The following SDCCAG8 variants were observed in gnomAD, a reference collection of about 807,000 sequenced individuals.
SDCCAG8 encodes serologically defined colon cancer antigen 8.
SDCCAG8 carries 74 observed loss-of-function variants against 101.8 expected under a neutral mutation model. The observed-to-expected ratio is 0.73, with a 90% CI of 0.60 to 0.88. SDCCAG8 has a LOEUF of 0.88. Ranked by LOEUF, SDCCAG8 falls within the 40% of genes least tolerant of loss-of-function variation. SDCCAG8 has a pLI of 0.00. For synonymous variants in SDCCAG8, 281 were observed against 292.9 expected (o/e 0.96, Z 0.41); for missense variants, 787 against 822.6 (o/e 0.96, Z 0.53).
At chr1:243,444,357 T>G (rs1558477914) in intron 16 of SDCCAG8, among the ~76,000 whole-genome samples, 2 of 151,998 alleles carry the variant, frequency 1.3e-5, no homozygotes, top group African/African-American at 4.8e-5. Flanking sequence ...ACTAAAGTTT[T>G]TTTGTTTGTT....
chr1:243,399,868 C>CT (rs981561501), intron 13 of SDCCAG8, among the ~76,000 whole-genome samples: 21 of 152,334 alleles, frequency 1.4e-4, no homozygotes, highest in African/African-American at 5.1e-4. Flanking sequence ...ATAAACGCTG[C>CT]TTACCCTGTA....
intron 7 of SDCCAG8, among the ~76,000 whole-genome samples, chr1:243,306,987 CAG>C (rs938104406): frequency 1.3e-5 from 2 of 151,700 alleles, no homozygotes; most frequent in Admixed American, 6.6e-5. Context: ...ACAATGACAA[CAG>C]AGAGTAGACA....
At chr1:243,342,750 T>C (rs2075451610) in intron 11 of SDCCAG8, among the ~76,000 whole-genome samples, 3 of 152,166 alleles carry the variant, frequency 2.0e-5, no homozygotes. Flanking sequence ...TAATAGTTTT[T>C]ATAAATTTAT....
At chr1:243,405,703 T>C (rs977949867) in intron 13 of SDCCAG8, among the ~76,000 whole-genome samples, 4 of 152,138 alleles carry the variant, frequency 2.6e-5, no homozygotes, top group African/African-American at 9.7e-5. Flanking sequence ...TCTGTGGATC[T>C]AATACCTGGA....
intron 16 of SDCCAG8, among the ~76,000 whole-genome samples, chr1:243,456,390 G>T (rs760269996): frequency 2.6e-5 from 4 of 152,018 alleles, no homozygotes; most frequent in Non-Finnish European, 5.9e-5. Context: ...ACACTTCTGG[G>T]GATTAGTTTA....
At chr1:243,470,630 C>T (rs928374086) in intron 16 of SDCCAG8, among the ~76,000 whole-genome samples, 2 of 152,028 alleles carry the variant, frequency 1.3e-5, no homozygotes, top group Non-Finnish European at 2.9e-5. Context: ...GTGTCGGTGC[C>T]GACTCATTAG....
At chr1:243,495,611 G>T (rs1365652694) in intron 17 of SDCCAG8, among the ~76,000 whole-genome samples, 1 of 152,206 alleles carries the variant, frequency 6.6e-6, no homozygotes, top group African/African-American at 2.4e-5. Flanking sequence ...GAGAACTTCA[G>T]TCGCTGTGCT....
chr1:243,321,136 A>G (rs1249565461), intron 9 of SDCCAG8, among the ~76,000 whole-genome samples: 1 of 151,378 alleles, frequency 6.6e-6, no homozygotes, highest in African/African-American at 2.4e-5. Flanking sequence ...ACAACTGAAG[A>G]TGTCTCCATA....
At chr1:243,413,084 C>T (rs1573903457) in intron 13 of SDCCAG8, among the ~76,000 whole-genome samples, 1 of 152,044 alleles carries the variant, frequency 6.6e-6, no homozygotes, top group East Asian at 1.9e-4. Flanking sequence ...GGGAAGGATT[C>T]GAGAAACATC....
chr1:243,468,635 T>C (rs1660617764), intron 16 of SDCCAG8, among the ~76,000 whole-genome samples: 1 of 152,206 alleles, frequency 6.6e-6, no homozygotes, highest in Non-Finnish European at 1.5e-5. Context: ...TGCAGTGAGC[T>C]GTGATCATGC....
At chr1:243,472,940 A>G (rs1397851432) in intron 16 of SDCCAG8, among the ~76,000 whole-genome samples, 4 of 152,212 alleles carry the variant, frequency 2.6e-5, no homozygotes, top group African/African-American at 9.7e-5. Flanking sequence ...ATAAAGTACT[A>G]TTTCTCCTGT....
At chr1:243,367,631 T>A (rs1325235992) in intron 12 of SDCCAG8, among the ~76,000 whole-genome samples, 1 of 151,524 alleles carries the variant, frequency 6.6e-6, no homozygotes, top group Non-Finnish European at 1.5e-5. Flanking sequence ...AAGGAAGGAG[T>A]CCCAGTTTCT....
At chr1:243,377,726 C>T (rs950031407) in intron 12 of SDCCAG8, among the ~76,000 whole-genome samples, 2 of 151,410 alleles carry the variant, frequency 1.3e-5, no homozygotes, top group Non-Finnish European at 3.0e-5. Flanking sequence ...AATTTAAATC[C>T]CTCTACTTAC....
intron 1 of SDCCAG8, among the ~76,000 whole-genome samples, chr1:243,265,506 A>G (rs2067510989): frequency 6.6e-6 from 1 of 152,244 alleles, no homozygotes; most frequent in Admixed American, 6.5e-5. Context: ...AAAGGAATGA[A>G]AAGTGCTCTT....
At chr1:243,391,204 A>G (rs1476420953) in intron 13 of SDCCAG8, among the ~76,000 whole-genome samples, 1 of 152,246 alleles carries the variant, frequency 6.6e-6, no homozygotes, top group Non-Finnish European at 1.5e-5. Flanking sequence ...GATACCCACA[A>G]AGTACATCGT....
chr1:243,358,367 A>G (rs1025087423), intron 12 of SDCCAG8, among the ~76,000 whole-genome samples: 1 of 152,214 alleles, frequency 6.6e-6, no homozygotes, highest in East Asian at 1.9e-4. Flanking sequence ...GATGCTCAAC[A>G]TCATTAGCTA....
chr1:243,259,194 A>T (rs1471810354), intron 1 of SDCCAG8, among the ~76,000 whole-genome samples: 4 of 151,424 alleles, frequency 2.6e-5, no homozygotes, highest in Non-Finnish European at 2.9e-5. Flanking sequence ...AGGTCAGGAG[A>T]TGGGAGACCA....
intron 4 of SDCCAG8, 76 bp downstream of exon 4, chr1:243,274,732 G>T: frequency 1.1e-6 from 1 of 877,274 alleles, no homozygotes; most frequent in East Asian, 2.7e-5. Context: ...AAAATTTGCT[G>T]CTATAAATCT....
At chr1:243,390,812 T>G (rs920163231) in intron 13 of SDCCAG8, among the ~76,000 whole-genome samples, 4 of 152,142 alleles carry the variant, frequency 2.6e-5, no homozygotes, top group African/African-American at 9.7e-5. Context: ...AGCAAAAACA[T>G]AGAATTGTTC....
Sources: gnomAD v4.1 joint callset for allele counts (sites outside exome capture counted in the v4.1 genomes callset) on GRCh38, gnomAD v4.1.1 for gene constraint, MANE v1.5 for transcripts, NCBI Gene and HGNC (gene_info 2026-07-23, HGNC 2026-07-21) for gene names.